MRPS33: variants seen among roughly 807,000 people sequenced by gnomAD.
MRPS33 encodes the protein small ribosomal subunit protein mS33.
In MRPS33, 11 loss-of-function variants were observed where a neutral mutation model predicts 11.2. That is an observed-to-expected ratio of 0.99 (90% CI 0.62 to 1.63). The LOEUF (loss-of-function observed/expected upper bound fraction) is 1.63, where lower values mean the gene tolerates loss of function less well. Among genes scored for constraint, MRPS33 ranks in the 40% most tolerant of loss-of-function variants. The pLI is 0.00. For missense variants in MRPS33, 109 were observed against 127.8 expected (o/e 0.85, Z 0.71); for synonymous variants, 46 against 44.0 (o/e 1.05, Z -0.18).
At chr7:141,011,890 A>G (rs1044634773) in intron 1 of MRPS33, among the ~76,000 whole-genome samples, 8 of 152,196 alleles carry the variant, frequency 5.3e-5, no homozygotes, top group Non-Finnish European at 1.2e-4. Context: ...GCTCATGCCT[A>G]TAATCCCAGT....
Position 141,010,589 on chromosome 7 carries a change from A to C in MRPS33, c.45T>G (p.Ser15Arg). ...TGGTGACTTCACCAAATAGCCGGGC[A>C]CTGAGACGAGACATGCGGAAGGCAT... ...SEYAFRMSRLSARLFGEVTRP... is the reference protein window; with the variant it reads ...SEYAFRMSRLRARLFGEVTRP... The change falls in exon 2 of 3, where the codon AGT (serine) becomes AGG (arginine). Residue 15 changes from serine to arginine, a missense_variant. Coordinates refer to ENST00000324787, the MANE Select transcript of MRPS33 (RefSeq NM_053035.3). 6.2e-7 allele frequency: 1 copy of C among 1,614,244 alleles called. No individual in the cohort carries two copies. The highest frequency in any genetic ancestry group is 8.5e-7 in the Non-Finnish European group (1 of 1,180,030).
chr7:141,009,288 C>T (rs755421888), intron 2 of MRPS33, among the ~76,000 whole-genome samples: 3 of 151,684 alleles, frequency 2.0e-5, no homozygotes, highest in Non-Finnish European at 2.9e-5. Flanking sequence ...TGTGCCACCA[C>T]GCCCAGCTAA....
At chr7:141,012,754 C>G (rs1820705848) in intron 1 of MRPS33, among the ~76,000 whole-genome samples, 1 of 152,144 alleles carries the variant, frequency 6.6e-6, no homozygotes, top group Non-Finnish European at 1.5e-5. Context: ...ACAGTGTTTT[C>G]AGGAAAATCT....
Position 141,009,705 on chromosome 7 carries a change from G to C in MRPS33, c.215+714C>G, listed in dbSNP as rs370608422. ...AAGCAGCAGATCAGGTGTCGGTCAG[G>C]GACTCTGTTCATCTGATAACAAGAG... On this transcript the variant is annotated intron_variant, in intron 2 of 2. Coordinates refer to ENST00000324787, the MANE Select transcript of MRPS33 (RefSeq NM_053035.3). 3.3e-5 allele frequency: 5 copies of C among 152,148 alleles called. No homozygotes were observed. The East Asian group carries it at 9.6e-4, about 29-fold the overall frequency. The allele number at this position is 152,148 out of a possible 1,614,324, so 9.4% of individuals were successfully genotyped here.
rs888453951 is a variant in MRPS33 at position 141,004,761 on chromosome 7, T to C, written c.*1669A>G. The C allele has an allele frequency of 2.0e-5, 3 of 150,376 alleles. No homozygotes were observed. Among genetic ancestry groups the C allele is most frequent in the Non-Finnish European group, 4.4e-5 (3 of 67,424 alleles). The allele number at this position is 150,376 out of a possible 1,614,324, so 9.3% of individuals were successfully genotyped here. A position where few individuals can be genotyped will look rare whatever the true frequency, so the allele number is the denominator to read the frequency against. ...AAAAAAATCAGAGAAGCCTTCACAA[T>C]TTTTTTTTTGAGACAGAGTCTCGCT... is the stretch of plus-strand genomic sequence containing the variant. On this transcript the variant is annotated 3_prime_UTR_variant, in exon 3 of 3. Transcript: ENST00000324787.
chr7:141,012,404 C>T (rs1050771424), intron 1 of MRPS33, among the ~76,000 whole-genome samples: 37 of 152,200 alleles, frequency 2.4e-4, no homozygotes, highest in East Asian at 3.9e-4. Flanking sequence ...CACTTCTTTG[C>T]CAACTCTGGT....
At chr7:141,011,560 G>A (rs1421066402) in intron 1 of MRPS33, among the ~76,000 whole-genome samples, 1 of 152,108 alleles carries the variant, frequency 6.6e-6, no homozygotes, top group African/African-American at 2.4e-5. Context: ...TCTCAACTCA[G>A]TTTAGACCAG....
chr7:141,014,808 T>A (rs1820759613), intron 1 of MRPS33, 103 bp downstream of exon 1: 1 of 152,194 alleles, frequency 6.6e-6, no homozygotes, highest in Non-Finnish European at 1.5e-5. Flanking sequence ...ACTAATGAAG[T>A]GGATTCGCCC....
intron 2 of MRPS33, chr7:141,010,184 C>A (rs1820638211): frequency 2.0e-6 from 1 of 502,156 alleles, no homozygotes; most frequent in Non-Finnish European, 3.5e-6. Flanking sequence ...CAACATTAGT[C>A]ATGTTGTAGA....
chr7:141,006,909 G>A (rs1469664158), intron 2 of MRPS33, among the ~76,000 whole-genome samples: 2 of 152,274 alleles, frequency 1.3e-5, no homozygotes, highest in East Asian at 3.9e-4. Flanking sequence ...TAGCTACACA[G>A]AGACCCTGAC....
In MRPS33 at chr7:141,003,464, A is replaced by G. The variant is rs888183631; in HGVS notation, c.*2966T>C. ...TATGTACAAATGTATTTTAGCTTTCATTTCTGATTTTCAGCCTGGAGCAGT... is the reference window on the plus strand; with the variant it reads ...TATGTACAAATGTATTTTAGCTTTCGTTTCTGATTTTCAGCCTGGAGCAGT... On this transcript the variant is annotated 3_prime_UTR_variant, in exon 3 of 3. Transcript: ENST00000324787. The G allele has an allele frequency of 3.3e-5, 5 of 152,260 alleles. No homozygotes were observed. The highest frequency in any genetic ancestry group is 1.2e-4 in the African/African-American group (5 of 41,544). 9.4% of individuals were successfully genotyped at this position (152,260 alleles called of 1,614,324 possible).
chr7:141,014,721 C>T (rs1172618820), intron 1 of MRPS33, 190 bp downstream of exon 1: 1 of 152,198 alleles, frequency 6.6e-6, no homozygotes, highest in African/African-American at 2.4e-5. Flanking sequence ...GGGTATTCTA[C>T]GTTTAAGAAA....
intron 2 of MRPS33, chr7:141,009,530 T>C (rs1219461160): frequency 6.6e-6 from 1 of 152,128 alleles, no homozygotes; most frequent in Non-Finnish European, 1.5e-5. Context: ...ACCTGTGTGA[T>C]TTACGTATTA....
At chr7:141,012,935 G>C (rs1453848583) in intron 1 of MRPS33, among the ~76,000 whole-genome samples, 1 of 152,138 alleles carries the variant, frequency 6.6e-6, no homozygotes, top group Non-Finnish European at 1.5e-5. Flanking sequence ...GTGCGAAAAT[G>C]AGTAACAGTG....
chr7:141,010,887 C>A (rs1047180470), intron 1 of MRPS33, among the ~76,000 whole-genome samples: 13 of 152,180 alleles, frequency 8.5e-5, no homozygotes, highest in Admixed American at 8.5e-4. Flanking sequence ...TACTTCCTTG[C>A]TGTATTGCCT....
In MRPS33 at chr7:141,006,185, T is replaced by G; in HGVS notation, c.*245A>C. ...ATCAAACAATAACTTAGGTATTTAT[T>G]TCATTAGAGAATCAGGTAAACCTCA... On this transcript the variant is annotated 3_prime_UTR_variant, in exon 3 of 3. Coordinates refer to ENST00000324787, the MANE Select transcript of MRPS33 (RefSeq NM_053035.3). The G allele has an allele frequency of 1.9e-6, 1 of 512,928 alleles. No homozygotes were observed. The allele number at this position is 512,928 out of a possible 1,614,324, so 31.8% of individuals were successfully genotyped here.
At chr7:141,010,257 T>C in intron 2 of MRPS33, 162 bp downstream of exon 2, 1 of 640,872 alleles carries the variant, frequency 1.6e-6, no homozygotes, top group Non-Finnish European at 2.7e-6. Flanking sequence ...CTCTCCATTA[T>C]GGGTATTTTG....
In MRPS33 at chr7:141,004,063, G is replaced by A. The variant is rs1298821517; in HGVS notation, c.*2367C>T. The A allele has an allele frequency of 6.6e-6, 1 of 152,304 alleles. No individual in the cohort carries two copies. Among genetic ancestry groups the A allele is most frequent in the African/African-American group, 2.4e-5 (1 of 41,470 alleles). 9.4% of individuals were successfully genotyped at this position (152,304 alleles called of 1,614,324 possible). A position where few individuals can be genotyped will look rare whatever the true frequency, so the allele number is the denominator to read the frequency against. On this transcript the variant is annotated 3_prime_UTR_variant, in exon 3 of 3. Coordinates refer to ENST00000324787, the MANE Select transcript of MRPS33 (RefSeq NM_053035.3). ...TGCCTGTAATTCCAGCACTTTGGGA[G>A]TCTGAGGTGGGTGGATCAGGAGGTC... is the stretch of plus-strand genomic sequence containing the variant.
intron 1 of MRPS33, 129 bp downstream of exon 1, chr7:141,014,782 A>G (rs892650432): frequency 6.6e-6 from 1 of 152,196 alleles, no homozygotes; most frequent in Non-Finnish European, 1.5e-5. Context: ...ATGCACGTGA[A>G]CCGCCCGAGC....
Sources: allele counts gnomAD v4.1 joint callset (sites outside exome capture counted in the v4.1 genomes callset), GRCh38; gene constraint gnomAD v4.1.1; transcripts MANE v1.5; gene names NCBI Gene and HGNC (gene_info 2026-07-23, HGNC 2026-07-21).